The following DACH1 variants were observed in gnomAD, a reference collection of about 807,000 sequenced individuals.
DACH1 encodes the protein dachshund family transcription factor 1.
Under a neutral mutation model 54.2 loss-of-function variants are expected in DACH1, and 12 were observed. The ratio of observed to expected loss-of-function variants is 0.22; its 90% CI spans 0.14 to 0.36. The LOEUF (loss-of-function observed/expected upper bound fraction) is 0.36, where lower values mean the gene tolerates loss of function less well. DACH1 is among the 10% of genes least tolerant of loss of function. The pLI is 1.00. For synonymous variants in DACH1, 386 were observed against 366.2 expected, an observed-to-expected ratio of 1.05 and a Z score of -0.62; for missense variants, 805 against 929.8, an observed-to-expected ratio of 0.87 and a Z score of 1.75.
intron 6 of DACH1, among the ~76,000 whole-genome samples, chr13:71,524,743 G>A (rs1018352056): frequency 6.6e-6 from 1 of 151,968 alleles, no homozygotes; most frequent in African/African-American, 2.4e-5. Context: ...GTCCATCTCC[G>A]GAGGATTGCA....
intron 1 of DACH1, among the ~76,000 whole-genome samples, chr13:71,802,965 C>T (rs1376245030): frequency 6.6e-6 from 1 of 152,238 alleles, no homozygotes; most frequent in South Asian, 2.1e-4. Flanking sequence ...AGTCCTTCTG[C>T]TTCCAACATT....
chr13:71,779,863 A>G (rs1192799216), intron 1 of DACH1, among the ~76,000 whole-genome samples: 1 of 152,068 alleles, frequency 6.6e-6, no homozygotes, highest in Non-Finnish European at 1.5e-5. Context: ...TGGACTCACC[A>G]CAGAGAATTA....
rs1555287932 is a variant in DACH1, at chr13:71,498,667, A to AG, written c.1571-9520_1571-9519insC. On this transcript the variant is annotated intron_variant, in intron 6 of 10. Transcript: ENST00000613252. The stretch of plus-strand genomic sequence containing the variant: ...TGAAAGGGGAAAGAAGAAAAAAAAA[A>AG]AAAACCACCATGGCAAGAAACGGGC... Among the ~76,000 whole-genome samples the AG allele has an allele frequency of 4.5e-3, 676 of 150,548 alleles. 3 individuals carry two copies. Among genetic ancestry groups the AG allele is most frequent in the Non-Finnish European group, 6.3e-3 (428 of 67,674 alleles).
At chr13:71,632,506 C>T (rs1272683834) in intron 2 of DACH1, among the ~76,000 whole-genome samples, 2 of 150,620 alleles carry the variant, frequency 1.3e-5, no homozygotes, top group Non-Finnish European at 2.9e-5. Context: ...GATTTATTTC[C>T]AATCCCAGCT....
intron 2 of DACH1, among the ~76,000 whole-genome samples, chr13:71,671,147 C>T (rs1039390180): frequency 6.6e-6 from 1 of 151,978 alleles, no homozygotes; most frequent in East Asian, 1.9e-4. Context: ...CCTATCACAA[C>T]TTTAAATATT....
chr13:71,811,928 G>C (rs1036759365), intron 1 of DACH1, among the ~76,000 whole-genome samples: 1 of 152,104 alleles, frequency 6.6e-6, no homozygotes, highest in Non-Finnish European at 1.5e-5. Context: ...AGAATGAACT[G>C]AAAAACTTTC....
chr13:71,733,854 T>A (rs1347194974), intron 1 of DACH1, among the ~76,000 whole-genome samples: 1 of 151,924 alleles, frequency 6.6e-6, no homozygotes, highest in Non-Finnish European at 1.5e-5. Context: ...CAAAGCACAG[T>A]CAGTGGCCAA....
At chr13:71,811,859 T>C (rs1376649340) in intron 1 of DACH1, among the ~76,000 whole-genome samples, 1 of 152,226 alleles carries the variant, frequency 6.6e-6, no homozygotes, top group African/African-American at 2.4e-5. Flanking sequence ...TACCAGCAGT[T>C]CATTTTTTAA....
intron 6 of DACH1, among the ~76,000 whole-genome samples, chr13:71,542,935 C>T (rs2138336474): frequency 6.6e-6 from 1 of 152,156 alleles, no homozygotes; most frequent in East Asian, 1.9e-4. Flanking sequence ...AGAAATTATT[C>T]CAAGTCTATG....
intron 1 of DACH1, among the ~76,000 whole-genome samples, chr13:71,694,608 A>T (rs1236032997): frequency 6.6e-6 from 1 of 152,216 alleles, no homozygotes; most frequent in Admixed American, 6.5e-5. Context: ...TACCGGAACC[A>T]CAGAGTTGGA....
intron 10 of DACH1, among the ~76,000 whole-genome samples, chr13:71,451,657 A>G (rs947910097): frequency 6.6e-6 from 1 of 152,204 alleles, no homozygotes; most frequent in Non-Finnish European, 1.5e-5. Flanking sequence ...CAATTTTATA[A>G]ATTATTTTTA....
chr13:71,574,320 T>C (rs2138418623), intron 3 of DACH1, among the ~76,000 whole-genome samples: 1 of 152,274 alleles, frequency 6.6e-6, no homozygotes, highest in South Asian at 2.1e-4. Flanking sequence ...TTAACATTAA[T>C]TTATTCCTTA....
intron 3 of DACH1, among the ~76,000 whole-genome samples, chr13:71,604,047 C>T (rs1208691346): frequency 6.6e-6 from 1 of 151,774 alleles, no homozygotes; most frequent in African/African-American, 2.4e-5. Flanking sequence ...TGATGGGATA[C>T]ATTCACAAAA....
chr13:71,660,706 A>G (rs1282901760), intron 2 of DACH1, among the ~76,000 whole-genome samples: 3 of 151,970 alleles, frequency 2.0e-5, no homozygotes, highest in Non-Finnish European at 4.4e-5. Context: ...TAAATCTCTA[A>G]AATATTTTTA....
rs562448596 is a variant in DACH1 at position 71,476,615 on chromosome 13, C to T, written c.1871-766G>A. Among the ~76,000 whole-genome samples, 26 of 151,950 alleles carry T rather than the reference C, an allele frequency of 1.7e-4. No homozygotes were observed. In the South Asian group the frequency reaches 5.4e-3, roughly 32 times the overall value. On this transcript the variant is annotated intron_variant, in intron 8 of 10. Transcript: ENST00000613252. ...TATGCTGCTGGTAACAATAATGAGC[C>T]TTTTATATTTAAAAAAATAGATAAT...
rs896898533 is a variant in DACH1, at chr13:71,581,876, G to T, written c.1127-8864C>A. ...CTTTTTATCACCCATATAAAGATCA[G>T]ATTTTACGATAAATAAAATTCAGTT... On this transcript the variant is annotated intron_variant, in intron 3 of 10. Coordinates refer to ENST00000613252, the MANE Select transcript of DACH1 (RefSeq NM_080759.6). Among the ~76,000 whole-genome samples, 12 of 152,154 alleles carry T rather than the reference G, an allele frequency of 7.9e-5. No individual in the cohort carries two copies. The East Asian group carries it at 2.3e-3, about 29-fold the overall frequency.
intron 1 of DACH1, among the ~76,000 whole-genome samples, chr13:71,794,508 G>A (rs573597313): frequency 7.9e-5 from 12 of 151,992 alleles, no homozygotes; most frequent in Admixed American, 4.6e-4. Context: ...GCGCAATCTC[G>A]GCTCACTGCA....
At chr13:71,510,515 A>G (rs1165983430) in intron 6 of DACH1, among the ~76,000 whole-genome samples, 2 of 152,096 alleles carry the variant, frequency 1.3e-5, no homozygotes, top group African/African-American at 4.8e-5. Context: ...TAACAAGATG[A>G]ATCGTTAGTG....
At chr13:71,474,985 G>A (rs550757675) in intron 10 of DACH1, among the ~76,000 whole-genome samples, 156 bp downstream of exon 10, 1 of 152,282 alleles carries the variant, frequency 6.6e-6, no homozygotes, top group East Asian at 1.9e-4. Context: ...AGCACAAAAT[G>A]AATTCACTCA....
Sources: gnomAD v4.1 joint callset for allele counts (sites outside exome capture counted in the v4.1 genomes callset) on GRCh38, gnomAD v4.1.1 for gene constraint, MANE v1.5 for transcripts, NCBI Gene and HGNC (gene_info 2026-07-23, HGNC 2026-07-21) for gene names.